SLC7A9: variants seen among roughly 807,000 people sequenced by gnomAD.
The protein encoded by SLC7A9 is B(0,+)-type amino acid transporter 1.
A neutral mutation model predicts 54.1 loss-of-function variants in SLC7A9; 38 were observed. The ratio of observed to expected loss-of-function variants is 0.70; its 90% CI spans 0.54 to 0.92. The LOEUF is 0.92. SLC7A9 is among the 40% of genes least tolerant of loss of function. The pLI is 0.00. For synonymous variants in SLC7A9, 264 were observed against 258.9 expected (o/e 1.02, Z -0.19); for missense variants, 537 against 636.1 (o/e 0.84, Z 1.68).
At chr19:32,841,246 TAGC>T in intron 11 of SLC7A9, among the ~76,000 whole-genome samples, 1 of 152,182 alleles carries the variant, frequency 6.6e-6, no homozygotes, top group Non-Finnish European at 1.5e-5. Flanking sequence ...AAGAATTAAA[TAGC>T]AGGTTTTTTT....
At chr19:32,838,511 A>G (rs1295677582) in intron 11 of SLC7A9, among the ~76,000 whole-genome samples, 1 of 147,496 alleles carries the variant, frequency 6.8e-6, no homozygotes, top group African/African-American at 2.5e-5. Flanking sequence ...TAGGCATAAT[A>G]TACATATATT....
chr19:32,836,069 A>C (rs1967950859), intron 11 of SLC7A9, among the ~76,000 whole-genome samples: 1 of 152,034 alleles, frequency 6.6e-6, no homozygotes. Context: ...GCCCGCCACC[A>C]CGCCCGGCTA....
chr19:32,833,584 G>A (rs758470797), intron 11 of SLC7A9, among the ~76,000 whole-genome samples: 32 of 152,096 alleles, frequency 2.1e-4, no homozygotes, highest in Non-Finnish European at 3.8e-4. Context: ...GGTCCCTTGA[G>A]GTCAGGAGCT....
intron 6 of SLC7A9, among the ~76,000 whole-genome samples, chr19:32,861,063 G>C (rs1370968312): frequency 6.6e-6 from 1 of 152,110 alleles, no homozygotes; most frequent in Non-Finnish European, 1.5e-5. Context: ...GCATAGTGGC[G>C]CACGTCTGTA....
In SLC7A9 at chr19:32,842,190, T is replaced by C. The variant is rs577967470; in HGVS notation, c.1202A>G (p.Lys401Arg). 1 of 1,614,168 alleles carries C rather than the reference T, an allele frequency of 6.2e-7. No homozygotes were observed. Among genetic ancestry groups the C allele is most frequent in the South Asian group, 1.1e-5 (1 of 91,080 alleles). Residue 401 changes from lysine (K) to arginine (R), a missense_variant, in exon 11 of 13, where the codon AAA becomes AGA. Transcript: ENST00000023064. ...TACCTTGATAGGCCTTTCCAGCTCT[T>C]TCCTTGTAAATCTCATCACGATGAG... ...LGLIVMRFTR[K>R]ELERPIKVPV...
intron 2 of SLC7A9, among the ~76,000 whole-genome samples, chr19:32,865,004 G>T (rs1451755141): frequency 2.0e-5 from 3 of 152,234 alleles, no homozygotes; most frequent in African/African-American, 7.2e-5. Flanking sequence ...GCCACACTGT[G>T]TCACCCCCAT....
intron 10 of SLC7A9, among the ~76,000 whole-genome samples, chr19:32,842,586 A>G (rs1299705437): frequency 1.7e-5 from 2 of 117,854 alleles, no homozygotes; most frequent in Non-Finnish European, 3.6e-5. Context: ...GTGCAAAAGT[A>G]ACTGTGGGTT....
At chr19:32,869,203 A>G (rs563503562) in intron 1 of SLC7A9, among the ~76,000 whole-genome samples, 26 of 152,220 alleles carry the variant, frequency 1.7e-4, no homozygotes, top group Admixed American at 9.2e-4. Context: ...AGCCTGGGCC[A>G]CAGAGCGAGA....
chr19:32,832,587 CAAAA>C (rs746136682), intron 12 of SLC7A9, among the ~76,000 whole-genome samples: 13 of 91,464 alleles, frequency 1.4e-4, no homozygotes, highest in East Asian at 3.3e-4. Context: ...GACTGTGTCT[CAAAA>C]AAAAAAAAAA....
intron 2 of SLC7A9, 34 bp downstream of exon 2, chr19:32,868,414 T>C (rs778867251): frequency 6.4e-7 from 1 of 1,574,282 alleles, no homozygotes; most frequent in Non-Finnish European, 8.7e-7. Flanking sequence ...TTGCCTAACC[T>C]GCAAAGGGCC....
At chr19:32,845,163 C>CA (rs1247633632) in intron 9 of SLC7A9, among the ~76,000 whole-genome samples, 7 of 115,560 alleles carry the variant, frequency 6.1e-5, no homozygotes, top group Non-Finnish European at 1.2e-4. Context: ...GATTCTATCT[C>CA]AAAAAAATAA....
intron 9 of SLC7A9, among the ~76,000 whole-genome samples, chr19:32,852,912 T>A (rs1034677131): frequency 1.4e-5 from 2 of 145,908 alleles, no homozygotes; most frequent in African/African-American, 5.1e-5. Flanking sequence ...AAACTTTTTT[T>A]TTTTTTTTTT....
chr19:32,839,908 T>C (rs528997878), intron 11 of SLC7A9, among the ~76,000 whole-genome samples: 19 of 152,218 alleles, frequency 1.2e-4, no homozygotes, highest in Non-Finnish European at 2.5e-4. Flanking sequence ...ATTGTATGCC[T>C]TTCAGTATGT....
chr19:32,842,255 G>A lies in SLC7A9; in HGVS notation c.1137C>T (p.Ser379=), dbSNP rs142270619. The change falls in exon 11 of 13, where the codon AGC becomes AGT. Residue 379 remains serine, a synonymous_variant. Coordinates refer to ENST00000023064, the MANE Select transcript of SLC7A9 (RefSeq NM_014270.5). ...GGCCATAAAACAGCCATGCGGCAAA[G>A]CTGAAATAATTGACTAACGAGTTTA... is the stretch of plus-strand genomic sequence containing the variant. The part of the protein sequence containing the change: ...GDINSLVNYF[S]FAAWLFYGLT... 6.2e-7 allele frequency: 1 copy of A among 1,613,976 alleles called. No individual in the cohort carries two copies. Among genetic ancestry groups the A allele is most frequent in the Non-Finnish European group, 8.5e-7 (1 of 1,179,852 alleles).
At chr19:32,857,098 C>T (rs770326607) in intron 9 of SLC7A9, among the ~76,000 whole-genome samples, 2 of 151,812 alleles carry the variant, frequency 1.3e-5, no homozygotes, top group South Asian at 4.2e-4. Flanking sequence ...TGCAGTGAGG[C>T]GAGATCACAC....
intron 9 of SLC7A9, among the ~76,000 whole-genome samples, chr19:32,853,120 A>C (rs1270725178): frequency 6.6e-6 from 1 of 152,146 alleles, no homozygotes; most frequent in Non-Finnish European, 1.5e-5. Context: ...CATGTTGGCC[A>C]GGCTGGTCTT....
intron 9 of SLC7A9, among the ~76,000 whole-genome samples, chr19:32,854,921 G>T (rs1968574172): frequency 6.6e-6 from 1 of 152,060 alleles, no homozygotes; most frequent in African/African-American, 2.4e-5. Flanking sequence ...GAAATCATAT[G>T]CCAGATACCT....
intron 9 of SLC7A9, among the ~76,000 whole-genome samples, chr19:32,853,131 G>C (rs1236912356): frequency 6.6e-6 from 1 of 152,096 alleles, no homozygotes; most frequent in African/African-American, 2.4e-5. Flanking sequence ...GGCTGGTCTT[G>C]AACTCCTGAC....
Position 32,864,663 on chromosome 19 carries a change from G to T in SLC7A9, c.201C>A (p.Ile67=). 1 of 1,614,114 alleles carries T rather than the reference G, an allele frequency of 6.2e-7. No homozygotes were observed. Among genetic ancestry groups the T allele is most frequent in the South Asian group, 1.1e-5 (1 of 91,084 alleles). Residue 67 remains isoleucine, a synonymous_variant, in exon 3 of 13, where the codon ATC becomes ATA. Transcript: ENST00000023064. ...SNTEAVGPCL[I]IWAACGVLAT... ...CGAGGACCCCGCAAGCCGCCCATAT[G>T]ATGAGGCAGGGCCCCACAGCTTCCG...
Sources: gnomAD v4.1 joint callset for allele counts (sites outside exome capture counted in the v4.1 genomes callset) on GRCh38, gnomAD v4.1.1 for gene constraint, MANE v1.5 for transcripts, NCBI Gene and HGNC (gene_info 2026-07-23, HGNC 2026-07-21) for gene names.